The following MEF2C variants were observed in gnomAD, a reference collection of about 807,000 sequenced individuals.
The protein encoded by MEF2C is myocyte-specific enhancer factor 2C.
MEF2C carries 6 observed loss-of-function variants against 50.5 expected under a neutral mutation model. The ratio of observed to expected loss-of-function variants is 0.12; its 90% CI spans 0.07 to 0.23. The LOEUF is 0.23. Ranked by LOEUF, MEF2C falls within the 10% of genes least tolerant of loss-of-function variation. The pLI is 1.00. For missense variants in MEF2C, 276 were observed against 605.0 expected (o/e 0.46, Z 5.70); for synonymous variants, 183 against 228.0 (o/e 0.80, Z 1.78).
At position 88,760,615 on chromosome 5, in the gene MEF2C, T is replaced by G. The variant is rs539351464; in HGVS notation, c.402+570A>C. On this transcript the variant is annotated intron_variant, in intron 4 of 10. Coordinates refer to ENST00000504921, the MANE Select transcript of MEF2C (RefSeq NM_002397.5). ...TTGAGTATCTGCTCTTAGCAAACAA[T>G]GTATAATCTATGTATTTTATAGCAA... is the stretch of plus-strand genomic sequence containing the variant. Among the ~76,000 whole-genome samples, 4 of 152,334 alleles carry G rather than the reference T, an allele frequency of 2.6e-5. No individual in the cohort carries two copies. In the South Asian group the frequency reaches 8.3e-4, roughly 32 times the overall value.
Position 88,782,738 on chromosome 5 carries a change from A to G in MEF2C, c.259-21410T>C, listed in dbSNP as rs79691058. 4.0e-3 allele frequency among the ~76,000 whole-genome samples: 616 copies of G among 152,344 alleles called. 3 individuals are homozygous for G. Among genetic ancestry groups the G allele is most frequent in the African/African-American group, 0.014 (584 of 41,588 alleles). ...CTTACAAAACGTAAAATATTTTGGCACTTCCACTTTTCACAACTGTTTCTG... is the reference window on the plus strand; with the variant it reads ...CTTACAAAACGTAAAATATTTTGGCGCTTCCACTTTTCACAACTGTTTCTG... On this transcript the variant is annotated intron_variant, in intron 3 of 10. Coordinates refer to ENST00000504921, the MANE Select transcript of MEF2C (RefSeq NM_002397.5).
At chr5:88,827,036 T>TA (rs566772209) in intron 1 of MEF2C, 48 of 151,874 alleles carry the variant, frequency 3.2e-4, no homozygotes, top group African/African-American at 1.1e-3. Context: ...GGCTGCTTAC[T>TA]AAAAAGGGGA....
intron 6 of MEF2C, chr5:88,735,904 GCATT>G: frequency 1.0e-6 from 1 of 985,304 alleles, no homozygotes; most frequent in Non-Finnish European, 1.2e-6. Context: ...GGATGTTTAG[GCATT>G]TTGAGTTTTC....
chr5:88,766,912 G>A, intron 3 of MEF2C: 1 of 630,776 alleles, frequency 1.6e-6, no homozygotes, highest in Non-Finnish European at 2.0e-6. Flanking sequence ...GTCGTTCACA[G>A]CTTTATGAAG....
At chr5:88,734,672 A>T in intron 6 of MEF2C, 1 of 969,288 alleles carries the variant, frequency 1.0e-6, no homozygotes, top group Non-Finnish European at 1.2e-6. Flanking sequence ...TTAAACAGTG[A>T]TTCAGGGCAG....
At chr5:88,799,955 C>T (rs1797700575) in intron 3 of MEF2C, among the ~76,000 whole-genome samples, 1 of 149,046 alleles carries the variant, frequency 6.7e-6, no homozygotes, top group Non-Finnish European at 1.5e-5. Context: ...AAAGAAAAAC[C>T]AATAATCCTC....
At chr5:88,772,234 A>C (rs1782701472) in intron 3 of MEF2C, 1 of 152,254 alleles carries the variant, frequency 6.6e-6, no homozygotes, top group Non-Finnish European at 1.5e-5. Flanking sequence ...TTGGCAACTG[A>C]TTGACTTATG....
chr5:88,741,569 T>G, intron 6 of MEF2C: 1 of 985,332 alleles, frequency 1.0e-6, no homozygotes, highest in Non-Finnish European at 1.2e-6. Context: ...CAACTAAAGA[T>G]TCAGTTTTCT....
intron 5 of MEF2C, 56 bp from the exon 6 acceptor site, chr5:88,749,173 A>C: frequency 6.7e-7 from 1 of 1,490,676 alleles, no homozygotes; most frequent in Non-Finnish European, 9.0e-7. Flanking sequence ...ACAGAACAAA[A>C]CACTTTACCT....
At chr5:88,750,371 T>C (rs1159210030) in intron 5 of MEF2C, among the ~76,000 whole-genome samples, 1 of 151,340 alleles carries the variant, frequency 6.6e-6, no homozygotes, top group East Asian at 2.0e-4. Flanking sequence ...ACCTAGTTAA[T>C]TTAAAAAAAA....
At chr5:88,753,624 C>G (rs1378505137) in intron 4 of MEF2C, among the ~76,000 whole-genome samples, 1 of 152,198 alleles carries the variant, frequency 6.6e-6, no homozygotes, top group Non-Finnish European at 1.5e-5. Flanking sequence ...CTCCTGAGCG[C>G]AGGTGATCCG....
rs899164532 is a variant in MEF2C at position 88,859,114 on chromosome 5, A to G, written c.-143+23841T>C. ...TACAACATCCATATGGCTTCTTACT[A>G]TTTTTAAAATTGTTATTAAGAGTGT... On this transcript the variant is annotated intron_variant, in intron 1 of 10. Transcript: ENST00000504921. 3.9e-5 allele frequency among the ~76,000 whole-genome samples: 6 copies of G among 152,320 alleles called. No homozygotes were observed. In the South Asian group the frequency reaches 8.3e-4, roughly 21 times the overall value.
At chr5:88,750,072 C>A in intron 5 of MEF2C, 1 of 630,348 alleles carries the variant, frequency 1.6e-6, no homozygotes, top group Non-Finnish European at 2.0e-6. Context: ...AAACAACATT[C>A]AGCCAAAAGA....
chr5:88,881,764 A>C (rs1581956858), intron 1 of MEF2C, among the ~76,000 whole-genome samples: 1 of 142,346 alleles, frequency 7.0e-6, no homozygotes, highest in African/African-American at 2.6e-5. Context: ...AGGTGGCTGG[A>C]GTTTCCTTTA....
chr5:88,876,690 T>G (rs928637872), intron 1 of MEF2C, among the ~76,000 whole-genome samples: 3 of 152,018 alleles, frequency 2.0e-5, no homozygotes, highest in African/African-American at 7.2e-5. Flanking sequence ...TCTCTTGCTA[T>G]CCTTCTAACT....
intron 3 of MEF2C, among the ~76,000 whole-genome samples, chr5:88,770,271 A>G (rs574529935): frequency 6.6e-6 from 1 of 152,354 alleles, no homozygotes; most frequent in South Asian, 2.1e-4. Flanking sequence ...TGCTTTACAA[A>G]TAACATGTTG....
chr5:88,880,947 A>G (rs1832649793), intron 1 of MEF2C: 1 of 152,180 alleles, frequency 6.6e-6, no homozygotes, highest in Non-Finnish European at 1.5e-5. Context: ...CTTTCAATAT[A>G]TTCCACATGC....
At chr5:88,837,002 CAA>C (rs10692741) in intron 1 of MEF2C, among the ~76,000 whole-genome samples, 4 of 86,988 alleles carry the variant, frequency 4.6e-5, no homozygotes, top group African/African-American at 1.4e-4. Flanking sequence ...AGCTGTTTCT[CAA>C]AAAAAAAAAA....
intron 1 of MEF2C, among the ~76,000 whole-genome samples, chr5:88,869,287 A>ACG (rs1301288545): frequency 3.0e-5 from 2 of 66,072 alleles, no homozygotes; most frequent in African/African-American, 7.8e-5. Context: ...ACATATATAT[A>ACG]TATATATACA....
Sources: allele counts gnomAD v4.1 joint callset (sites outside exome capture counted in the v4.1 genomes callset), GRCh38; gene constraint gnomAD v4.1.1; transcripts MANE v1.5; gene names NCBI Gene and HGNC (gene_info 2026-07-23, HGNC 2026-07-21).